The following TPCN1 variants were observed in gnomAD, a reference collection of about 807,000 sequenced individuals.
TPCN1 encodes two pore segment channel 1.
A neutral mutation model predicts 108.8 loss-of-function variants in TPCN1; 52 were observed. The observed-to-expected ratio is 0.48, with a 90% confidence interval of 0.38 to 0.60. TPCN1 has a LOEUF of 0.60. Among genes scored for constraint, TPCN1 ranks in the 20% least tolerant of loss-of-function variants. TPCN1 has a pLI of 0.00. For synonymous variants in TPCN1, 446 were observed against 433.7 expected (o/e 1.03, Z -0.35); for missense variants, 806 against 1,072.8 (o/e 0.75, Z 3.47).
chr12:113,250,070 A>C (rs1195542540), intron 2 of TPCN1: 3 of 152,218 alleles, frequency 2.0e-5, no homozygotes, highest in African/African-American at 4.8e-5. Flanking sequence ...TGTGTGTGTT[A>C]TTTTAGCGGA....
At chr12:113,234,798 A>G (rs1033870775) in intron 2 of TPCN1, among the ~76,000 whole-genome samples, 1 of 152,218 alleles carries the variant, frequency 6.6e-6, no homozygotes, top group African/African-American at 2.4e-5. Context: ...ATTGTCGTGT[A>G]GGATCACAGG....
Position 113,267,951 on chromosome 12 carries a change from G to T in TPCN1, c.523G>T (p.Val175Phe), listed in dbSNP as rs778172315. ...HTFIRHKRTMVKTSVLVVQFV... is the reference protein window; with the variant it reads ...HTFIRHKRTMFKTSVLVVQFV... Reference sequence around the variant, plus strand: ...CTTCATCCGGCACAAGCGGACCATGGTCAAGGTGATGTGTCCGCCCATCTG... The same window carrying T: ...CTTCATCCGGCACAAGCGGACCATGTTCAAGGTGATGTGTCCGCCCATCTG... The change falls in exon 5 of 28, where the codon GTC becomes TTC. Residue 175 changes from valine to phenylalanine, a missense_variant. By Grantham distance (50) the Val-to-Phe change is conservative. Coordinates refer to ENST00000335509, the MANE Select transcript of TPCN1 (RefSeq NM_017901.6). 1 of 1,610,650 alleles carries T rather than the reference G, an allele frequency of 6.2e-7. No homozygotes were observed. Among genetic ancestry groups the T allele is most frequent in the South Asian group, 1.1e-5 (1 of 90,766 alleles).
At chr12:113,294,872 G>A (rs1956377046) in intron 27 of TPCN1, among the ~76,000 whole-genome samples, 1 of 152,124 alleles carries the variant, frequency 6.6e-6, no homozygotes, top group African/African-American at 2.4e-5. Context: ...TCTGTTTTCT[G>A]GCATTCTAAT....
At chr12:113,287,334 CAT>C (rs1956116899) in intron 19 of TPCN1, 5 of 525,674 alleles carry the variant, frequency 9.5e-6, no homozygotes, top group East Asian at 6.4e-5. Flanking sequence ...GCCCATGACT[CAT>C]GTGCACCCCA....
chr12:113,290,959 G>A lies in TPCN1; in HGVS notation c.1920G>A (p.Leu640=). ...FDNILNSFVT[L]FELTVVNNWY... ...TCTCTCTTCCCTCGGCAGTGACCCTGTTTGAGCTCACAGTTGTCAACAACT... is the reference window on the plus strand; with the variant it reads ...TCTCTCTTCCCTCGGCAGTGACCCTATTTGAGCTCACAGTTGTCAACAACT... The change falls in exon 23 of 28, where the codon CTG becomes CTA. Residue 640 remains leucine (L), a synonymous_variant. Coordinates refer to ENST00000335509, the MANE Select transcript of TPCN1 (RefSeq NM_017901.6). The A allele has an allele frequency of 1.2e-6, 2 of 1,613,824 alleles. No homozygotes were observed. The highest frequency in any genetic ancestry group is 1.7e-6 in the Non-Finnish European group (2 of 1,179,992).
chr12:113,243,064 G>T (rs1954212777), intron 2 of TPCN1, among the ~76,000 whole-genome samples: 1 of 152,200 alleles, frequency 6.6e-6, no homozygotes. Context: ...GCATGTAGGT[G>T]GTCAGTCTTT....
intron 7 of TPCN1, among the ~76,000 whole-genome samples, chr12:113,271,021 G>A (rs1179745495): frequency 6.6e-6 from 1 of 152,160 alleles, no homozygotes; most frequent in Non-Finnish European, 1.5e-5. Context: ...ATTCTAGGAG[G>A]AGGAGGCAGG....
At chr12:113,248,677 G>C (rs1240065790) in intron 2 of TPCN1, among the ~76,000 whole-genome samples, 1 of 152,238 alleles carries the variant, frequency 6.6e-6, no homozygotes, top group African/African-American at 2.4e-5. Context: ...GCAGGACGAG[G>C]TGACTTGGAG....
At position 113,272,139 on chromosome 12, in the gene TPCN1, G is replaced by A. The variant is rs1367594497; in HGVS notation, c.749-519G>A. ...GGGTAGGGGCTGATTTCCCCTGAGG[G>A]CAGAGTTCCTCCCTTTTCCCACTCA... On this transcript the variant is annotated intron_variant, in intron 7 of 27. Coordinates refer to ENST00000335509, the MANE Select transcript of TPCN1 (RefSeq NM_017901.6). This position sits in a 1 kb window ranked among gnomAD's most constrained non-coding sequence, Gnocchi z 4.1. Among the ~76,000 whole-genome samples the A allele has an allele frequency of 4.6e-5, 7 of 152,194 alleles. No homozygotes were observed. Among genetic ancestry groups the A allele is most frequent in the Non-Finnish European group, 8.8e-5 (6 of 68,028 alleles).
intron 2 of TPCN1, among the ~76,000 whole-genome samples, chr12:113,259,830 C>T (rs1224937986): frequency 2.6e-5 from 4 of 152,230 alleles, no homozygotes; most frequent in African/African-American, 7.2e-5. Flanking sequence ...GGATGTTCTA[C>T]AGAGACAGAT....
chr12:113,265,212 TA>T lies in TPCN1; in HGVS notation c.238-966del, dbSNP rs557966893. 2.2e-4 allele frequency among the ~76,000 whole-genome samples: 34 copies of T among 152,322 alleles called. No homozygotes were observed. In the South Asian group the frequency reaches 7.0e-3, roughly 32 times the overall value. On this transcript the variant is annotated intron_variant, in intron 3 of 27. Transcript: ENST00000335509. The stretch of plus-strand genomic sequence containing the variant: ...CTGGTAATGTTCATATAACTTACGA[TA>T]ATAGCAAATACCTGTAGTGAGCTGA...
At chr12:113,222,727 TA>T (rs1953297629) in intron 1 of TPCN1, among the ~76,000 whole-genome samples, 1 of 152,194 alleles carries the variant, frequency 6.6e-6, no homozygotes, top group Admixed American at 6.5e-5. Context: ...TCTTTTTTTT[TA>T]GCTCATCATT....
chr12:113,283,192 A>C (rs1426714744), intron 15 of TPCN1, among the ~76,000 whole-genome samples: 2 of 152,262 alleles, frequency 1.3e-5, no homozygotes, highest in Non-Finnish European at 2.9e-5. Context: ...CACAGTGGGC[A>C]ACTTTTATGT....
chr12:113,280,442 C>T (rs534914358), intron 15 of TPCN1: 1 of 404,178 alleles, frequency 2.5e-6, no homozygotes, highest in African/African-American at 2.0e-5. Context: ...ATTCCAGAAC[C>T]ACAGAGTTGA....
At chr12:113,238,465 A>T (rs1290772185) in intron 2 of TPCN1, among the ~76,000 whole-genome samples, 3 of 151,384 alleles carry the variant, frequency 2.0e-5, no homozygotes, top group Non-Finnish European at 3.0e-5. Context: ...GTAGCTGTAT[A>T]TTAGAGTGTC....
At position 113,269,054 on chromosome 12, in the gene TPCN1, C is replaced by T. The variant is rs938338100; in HGVS notation, c.659+182C>T. On this transcript the variant is annotated intron_variant, in intron 6 of 27. Transcript: ENST00000335509. The surrounding 1 kb of genome is among the most constrained non-coding windows in gnomAD (Gnocchi z 5.0). ...GCACAGGAGAAAGCGGTATTCCTAC[C>T]GCAGTGTAGGTTTGCTGCCTCTGGG... Among the ~76,000 whole-genome samples the T allele has an allele frequency of 2.6e-5, 4 of 152,186 alleles. No homozygotes were observed. Among genetic ancestry groups the T allele is most frequent in the African/African-American group, 7.2e-5 (3 of 41,432 alleles).
At chr12:113,291,403 G>A (rs907310160) in intron 23 of TPCN1, 2 of 604,618 alleles carry the variant, frequency 3.3e-6, no homozygotes, top group African/African-American at 3.7e-5. Flanking sequence ...TCTGGATCCA[G>A]TCGTCCAGGG....
chr12:113,248,500 G>T (rs1052818483), intron 2 of TPCN1, among the ~76,000 whole-genome samples: 5 of 152,232 alleles, frequency 3.3e-5, no homozygotes, highest in African/African-American at 9.6e-5. Context: ...GAGTGATGTG[G>T]TCTCACCTTG....
chr12:113,273,621 T>G lies in TPCN1; in HGVS notation c.895T>G (p.Phe299Val), dbSNP rs1240789722. 6 of 1,614,226 alleles carry G rather than the reference T, an allele frequency of 3.7e-6. No homozygotes were observed. The highest frequency in any genetic ancestry group is 2.2e-5 in the East Asian group (1 of 44,892). The change falls in exon 10 of 28, where the codon TTC becomes GTC. Residue 299 changes from phenylalanine (F) to valine (V), a missense_variant. Phe to Val is a conservative substitution (Grantham distance 50). Transcript: ENST00000335509. This position sits in a 1 kb window ranked among gnomAD's most constrained non-coding sequence, Gnocchi z 4.0. Reference protein sequence around the residue: ...SYSRNPWSCVFFIVYLSIELY... With the variant: ...SYSRNPWSCVVFIVYLSIELY... The stretch of plus-strand genomic sequence containing the variant: ...CTCCCGGAACCCCTGGTCCTGCGTC[T>G]TCTTCATCGTGTACCTCTCCATCGA...
Sources: allele counts gnomAD v4.1 joint callset (sites outside exome capture counted in the v4.1 genomes callset), GRCh38; gene constraint gnomAD v4.1.1; non-coding constraint Gnocchi (gnomAD v3.1); transcripts MANE v1.5; gene names NCBI Gene and HGNC (gene_info 2026-07-23, HGNC 2026-07-21).